FAM227B: variants seen among roughly 807,000 people sequenced by gnomAD.
The protein encoded by FAM227B is family with sequence similarity 227 member B, also known as protein FAM227B.
A neutral mutation model predicts 73.8 loss-of-function variants in FAM227B; 88 were observed. The ratio of observed to expected loss-of-function variants is 1.19; its 90% CI spans 1.00 to 1.42. FAM227B has a LOEUF of 1.42. Ranked by LOEUF, FAM227B falls within the 40% of genes most tolerant of loss-of-function variation. The pLI is 0.00. For missense variants in FAM227B, 632 were observed against 590.9 expected (o/e 1.07, Z -0.72); for synonymous variants, 210 against 190.5 (o/e 1.10, Z -0.84).
At chr15:49,595,754 T>C (rs1252259661) in intron 3 of FAM227B, among the ~76,000 whole-genome samples, 1 of 146,884 alleles carries the variant, frequency 6.8e-6, no homozygotes, top group Non-Finnish European at 1.5e-5. Flanking sequence ...TCCAGAGAAA[T>C]ACATATCATA....
chr15:49,528,545 C>T (rs1256061915), intron 10 of FAM227B, among the ~76,000 whole-genome samples: 1 of 151,772 alleles, frequency 6.6e-6, no homozygotes, highest in Non-Finnish European at 1.5e-5. Flanking sequence ...AAATAATAAA[C>T]AGAGTAAACA....
At chr15:49,409,719 C>T (rs1477294182) in intron 11 of FAM227B, among the ~76,000 whole-genome samples, 1 of 151,978 alleles carries the variant, frequency 6.6e-6, no homozygotes, top group Non-Finnish European at 1.5e-5. Flanking sequence ...CTGAAGTCAC[C>T]TCAAATTTTA....
At chr15:49,457,463 G>A (rs2053414589) in intron 11 of FAM227B, among the ~76,000 whole-genome samples, 1 of 151,870 alleles carries the variant, frequency 6.6e-6, no homozygotes, top group African/African-American at 2.4e-5. Flanking sequence ...AAATCAAGAG[G>A]ACTGAACTTT....
At chr15:49,470,229 G>A (rs907081026) in intron 11 of FAM227B, among the ~76,000 whole-genome samples, 1 of 136,704 alleles carries the variant, frequency 7.3e-6, no homozygotes, top group Admixed American at 7.9e-5. Flanking sequence ...ACTTTAAGTG[G>A]CACCTTATAA....
chr15:49,474,771 G>A (rs2899434), intron 11 of FAM227B, among the ~76,000 whole-genome samples: 38,493 of 151,868 alleles, frequency 0.25, 5,738 homozygotes, highest in Non-Finnish European at 0.35. Flanking sequence ...TCTCATAGGA[G>A]CGTGAACCCT....
chr15:49,540,472 T>C (rs2070905260), intron 10 of FAM227B, among the ~76,000 whole-genome samples: 3 of 152,198 alleles, frequency 2.0e-5, no homozygotes, highest in Non-Finnish European at 4.4e-5. Flanking sequence ...AGGACTATTT[T>C]TGTTCATGGG....
rs1332703006 is a variant in FAM227B, at chr15:49,357,335, T to C, written c.1271+10113A>G. Among the ~76,000 whole-genome samples the C allele has an allele frequency of 6.9e-4, 104 of 149,776 alleles. 1 individual carries two copies. The highest frequency in any genetic ancestry group is 2.1e-3 in the Admixed American group (31 of 15,014). ...AGGATCAACAAAATTGATAGACCGC[T>C]AGCAAGACTAATAAAGAAAAAAAGA... On this transcript the variant is annotated intron_variant, in intron 13 of 15. Coordinates refer to ENST00000299338, the MANE Select transcript of FAM227B (RefSeq NM_152647.3).
Position 49,328,430 on chromosome 15 carries a change from A to AT in FAM227B, c.*137dup, listed in dbSNP as rs1371769278. The stretch of plus-strand genomic sequence containing the variant: ...CTTACTGAGATTTATTGATTTGAAG[A>AT]TTTTAAAGATGAATGGTAAAACACA... On this transcript the variant is annotated 3_prime_UTR_variant, in exon 16 of 16. Coordinates refer to ENST00000299338, the MANE Select transcript of FAM227B (RefSeq NM_152647.3). The AT allele has an allele frequency of 2.1e-6, 3 of 1,444,714 alleles. No individual in the cohort carries two copies. Among genetic ancestry groups the AT allele is most frequent in the Non-Finnish European group, 2.7e-6 (3 of 1,100,584 alleles). The allele number at this position is 1,444,714 out of a possible 1,614,324, so 89.5% of individuals were successfully genotyped here.
intron 10 of FAM227B, among the ~76,000 whole-genome samples, chr15:49,526,502 C>T (rs72729161): frequency 6.6e-6 from 1 of 151,850 alleles, no homozygotes; most frequent in African/African-American, 2.4e-5. Context: ...AAAACAAGAA[C>T]AAACTAAACC....
chr15:49,387,009 T>C (rs1395384939), intron 11 of FAM227B, among the ~76,000 whole-genome samples: 4 of 151,512 alleles, frequency 2.6e-5, no homozygotes, highest in Non-Finnish European at 5.9e-5. Context: ...ATTTAAAAAT[T>C]GTCAACAAAA....
At chr15:49,336,358 T>C (rs1293546831) in intron 13 of FAM227B, among the ~76,000 whole-genome samples, 2 of 152,180 alleles carry the variant, frequency 1.3e-5, no homozygotes, top group African/African-American at 2.4e-5. Context: ...AAACAGACAC[T>C]TCCCTTTGAA....
At chr15:49,513,443 G>T (rs1337484503) in intron 10 of FAM227B, among the ~76,000 whole-genome samples, 3 of 152,068 alleles carry the variant, frequency 2.0e-5, no homozygotes, top group Non-Finnish European at 2.9e-5. Context: ...CCCACTTTTT[G>T]ATGGGGTTGT....
intron 11 of FAM227B, among the ~76,000 whole-genome samples, chr15:49,498,993 C>T (rs1172691996): frequency 6.6e-5 from 10 of 150,938 alleles, no homozygotes; most frequent in Non-Finnish European, 1.3e-4. Context: ...GGTGAAACCC[C>T]GTCTCTACTA....
chr15:49,420,195 T>C (rs1341466243), intron 11 of FAM227B, among the ~76,000 whole-genome samples: 2 of 152,226 alleles, frequency 1.3e-5, no homozygotes, highest in Non-Finnish European at 2.9e-5. Context: ...AGATTTATTT[T>C]CGTAGTATAA....
intron 13 of FAM227B, among the ~76,000 whole-genome samples, chr15:49,342,749 C>T (rs367922350): frequency 6.3e-4 from 96 of 152,188 alleles, no homozygotes; most frequent in African/African-American, 1.8e-3. Flanking sequence ...TTAGTGCTTG[C>T]GTGTCTGGAA....
chr15:49,513,825 G>T (rs994637113), intron 10 of FAM227B, among the ~76,000 whole-genome samples: 15 of 152,116 alleles, frequency 9.9e-5, no homozygotes, highest in African/African-American at 3.4e-4. Flanking sequence ...TGGCTAGCCA[G>T]TTTCCCCAGC....
At chr15:49,337,297 A>T (rs985949903) in intron 13 of FAM227B, among the ~76,000 whole-genome samples, 4 of 152,184 alleles carry the variant, frequency 2.6e-5, no homozygotes, top group Non-Finnish European at 5.9e-5. Flanking sequence ...GAACTAATTT[A>T]CGTTCCCACC....
At chr15:49,591,092 T>TG (rs1196505045) in intron 3 of FAM227B, among the ~76,000 whole-genome samples, 1 of 131,620 alleles carries the variant, frequency 7.6e-6, no homozygotes, top group Non-Finnish European at 1.6e-5. Flanking sequence ...GTCGCCCAGG[T>TG]GGAGTGCAGT....
chr15:49,334,850 C>A (rs1160883523), intron 14 of FAM227B, among the ~76,000 whole-genome samples: 2 of 152,124 alleles, frequency 1.3e-5, no homozygotes, highest in African/African-American at 2.4e-5. Context: ...AGAACTGGAC[C>A]CTGCCCATTT....
Sources: allele counts gnomAD v4.1 joint callset (sites outside exome capture counted in the v4.1 genomes callset), GRCh38; gene constraint gnomAD v4.1.1; transcripts MANE v1.5; gene names NCBI Gene and HGNC (gene_info 2026-07-23, HGNC 2026-07-21).